RHOBTB1: variants seen among roughly 807,000 people sequenced by gnomAD.
RHOBTB1 encodes Rho related BTB domain containing 1.
In RHOBTB1, 40 loss-of-function variants were observed where a neutral mutation model predicts 71.6. That is an observed-to-expected ratio of 0.56 (90% CI 0.43 to 0.73). The LOEUF (loss-of-function observed/expected upper bound fraction) is 0.73, where lower values mean the gene tolerates loss of function less well. RHOBTB1 is among the 30% of genes least tolerant of loss of function. The pLI is 0.00. For synonymous variants in RHOBTB1, 319 were observed against 334.9 expected (o/e 0.95, Z 0.52); for missense variants, 797 against 894.0 (o/e 0.89, Z 1.38).
At chr10:60,918,731 ATTTCT>A (rs1397130874) in intron 2 of RHOBTB1, among the ~76,000 whole-genome samples, 1 of 150,286 alleles carries the variant, frequency 6.7e-6, no homozygotes, top group East Asian at 2.0e-4. Flanking sequence ...TTATATTTGC[ATTTCT>A]TTTCTTTTCT....
At chr10:60,920,772 A>G (rs1355431413) in intron 2 of RHOBTB1, among the ~76,000 whole-genome samples, 1 of 151,772 alleles carries the variant, frequency 6.6e-6, no homozygotes, top group South Asian at 2.1e-4. Context: ...CTCTCACCTC[A>G]GCCTCTTGAG....
chr10:60,939,294 G>A (rs573663046), intron 2 of RHOBTB1, among the ~76,000 whole-genome samples: 13 of 152,252 alleles, frequency 8.5e-5, no homozygotes, highest in South Asian at 2.1e-4. Context: ...CATTTTTGGC[G>A]TCTTTTTGCC....
At chr10:60,885,964 C>A in intron 7 of RHOBTB1, 148 bp downstream of exon 7, 1 of 685,818 alleles carries the variant, frequency 1.5e-6, no homozygotes. Flanking sequence ...GGAGCAATAG[C>A]TCCTTATGAT....
downstream of RHOBTB1, among the ~76,000 whole-genome samples, chr10:60,866,213 T>G (rs1317587877): frequency 3.9e-5 from 6 of 152,140 alleles, no homozygotes; most frequent in Non-Finnish European, 7.3e-5. Flanking sequence ...TGGCTAGTGG[T>G]TCTATCACCG....
At chr10:60,899,722 T>G (rs752935754) in intron 4 of RHOBTB1, among the ~76,000 whole-genome samples, 2 of 152,016 alleles carry the variant, frequency 1.3e-5, no homozygotes, top group Non-Finnish European at 2.9e-5. Flanking sequence ...GGGGATAGAG[T>G]GATTAGTAAA....
chr10:60,965,604 G>A (rs2085931106), intron 2 of RHOBTB1, among the ~76,000 whole-genome samples: 1 of 152,094 alleles, frequency 6.6e-6, no homozygotes, highest in South Asian at 2.1e-4. Flanking sequence ...AGTATTTCAA[G>A]TGCCTCCATG....
At chr10:60,899,842 T>C (rs1012318024) in intron 4 of RHOBTB1, among the ~76,000 whole-genome samples, 1 of 152,104 alleles carries the variant, frequency 6.6e-6, no homozygotes. Context: ...AAGTGCCAAT[T>C]AGAAAATAAA....
At chr10:60,972,521 A>G (rs2086192884) in intron 2 of RHOBTB1, among the ~76,000 whole-genome samples, 1 of 152,004 alleles carries the variant, frequency 6.6e-6, no homozygotes, top group Non-Finnish European at 1.5e-5. Flanking sequence ...AACATCACAC[A>G]CTGGGGCCTG....
At chr10:60,976,244 G>C (rs1382561348) in intron 2 of RHOBTB1, among the ~76,000 whole-genome samples, 1 of 151,748 alleles carries the variant, frequency 6.6e-6, no homozygotes, top group African/African-American at 2.4e-5. Context: ...TTTTTTAAAG[G>C]AGAAAATTTA....
At chr10:60,894,410 T>C (rs1278223079) in intron 4 of RHOBTB1, among the ~76,000 whole-genome samples, 1 of 152,158 alleles carries the variant, frequency 6.6e-6, no homozygotes, top group Non-Finnish European at 1.5e-5. Flanking sequence ...ATATCAAGAT[T>C]TTTGGATGCT....
In RHOBTB1 at chr10:60,934,077, G is replaced by A. The variant is rs139464898; in HGVS notation, c.-11+7727C>T. 6.2e-3 allele frequency among the ~76,000 whole-genome samples: 942 copies of A among 151,812 alleles called. 11 individuals are homozygous for A. The highest frequency in any genetic ancestry group is 0.022 in the African/African-American group (891 of 41,358). ...TCTATAGTGAACATGTGTTCTTTGT[G>A]ACATAAAGAAATTTTACAAAAAAGA... On this transcript the variant is annotated intron_variant, in intron 2 of 10. Transcript: ENST00000337910.
intron 1 of RHOBTB1, among the ~76,000 whole-genome samples, chr10:60,942,632 G>C (rs2084961393): frequency 6.6e-6 from 1 of 152,174 alleles, no homozygotes. Flanking sequence ...ATGCTGAAAA[G>C]AGCTTGTGTT....
At chr10:60,909,516 C>G (rs991476916) in intron 4 of RHOBTB1, among the ~76,000 whole-genome samples, 1 of 152,094 alleles carries the variant, frequency 6.6e-6, no homozygotes, top group African/African-American at 2.4e-5. Flanking sequence ...CTGTATTTAT[C>G]CTTACACTGC....
chr10:60,972,841 G>A (rs913286235), intron 2 of RHOBTB1, among the ~76,000 whole-genome samples: 2 of 151,954 alleles, frequency 1.3e-5, no homozygotes, highest in Non-Finnish European at 2.9e-5. Context: ...CTTGTCAAAT[G>A]CAATTTGCTC....
intron 4 of RHOBTB1, among the ~76,000 whole-genome samples, chr10:60,901,239 G>A (rs1188254146): frequency 6.6e-6 from 1 of 152,196 alleles, no homozygotes; most frequent in African/African-American, 2.4e-5. Context: ...TAGGCTGAGG[G>A]CAGAGGCATT....
chr10:60,900,655 A>G (rs1005135826), intron 4 of RHOBTB1, among the ~76,000 whole-genome samples: 2 of 152,214 alleles, frequency 1.3e-5, no homozygotes, highest in Non-Finnish European at 2.9e-5. Context: ...GGCCTTATGG[A>G]TATCAGAAAG....
At chr10:60,914,929 A>T (rs1014912102) in intron 2 of RHOBTB1, among the ~76,000 whole-genome samples, 2 of 152,220 alleles carry the variant, frequency 1.3e-5, no homozygotes, top group African/African-American at 4.8e-5. Context: ...AAGGGAAAAT[A>T]AAAGGCAGGG....
rs190407778 is a variant in RHOBTB1, at chr10:60,962,179, G to C, written c.-61-20325C>G. ...CGTTGTAAGTGGAAATTTTCATAAT[G>C]AGCCACAAATTAGAAAATGTCTATG... On this transcript the variant is annotated intron_variant, in intron 2 of 11. Coordinates refer to the RHOBTB1 transcript ENST00000357917. Among the ~76,000 whole-genome samples, 542 of 152,032 alleles carry C rather than the reference G, an allele frequency of 3.6e-3. 2 individuals are homozygous for C. Among genetic ancestry groups the C allele is most frequent in the African/African-American group, 0.013 (524 of 41,480 alleles).
intron 2 of RHOBTB1, among the ~76,000 whole-genome samples, chr10:60,981,890 C>A (rs2086508429): frequency 6.6e-6 from 1 of 152,106 alleles, no homozygotes; most frequent in Non-Finnish European, 1.5e-5. Context: ...CTGCTTCAGC[C>A]TCCCAAGTAG....
Sources: allele counts gnomAD v4.1 joint callset (sites outside exome capture counted in the v4.1 genomes callset), GRCh38; gene constraint gnomAD v4.1.1; transcripts MANE v1.5; gene names NCBI Gene and HGNC (gene_info 2026-07-23, HGNC 2026-07-21).